COA8: variants seen among roughly 807,000 people sequenced by gnomAD.
COA8 encodes the protein UPF0671 protein C14orf153.
A neutral mutation model predicts 22.0 loss-of-function variants in COA8; 20 were observed. The ratio of observed to expected loss-of-function variants is 0.91; its 90% confidence interval spans 0.64 to 1.32. COA8 has a LOEUF of 1.32. COA8 is among the 40% of genes most tolerant of loss of function. The pLI, the probability that COA8 is intolerant of heterozygous loss-of-function variation, is 0.00. For synonymous variants in COA8, 105 were observed against 79.9 expected (o/e 1.31, Z -1.68); for missense variants, 266 against 230.0 (o/e 1.16, Z -1.01).
chr14:103,567,679 C>G (rs2076145812), intron 1 of COA8: 1 of 152,374 alleles, frequency 6.6e-6, no homozygotes, highest in Non-Finnish European at 1.5e-5. Context: ...AACCACCAAG[C>G]CCAGCCCACA....
intron 3 of COA8, 139 bp downstream of exon 3, chr14:103,574,309 C>T: frequency 8.6e-7 from 1 of 1,162,268 alleles, no homozygotes; most frequent in Non-Finnish European, 1.3e-6. Flanking sequence ...CTCGGCACAC[C>T]CCTGTCCAAG....
chr14:103,569,956 A>G (rs2076169922), intron 1 of COA8, among the ~76,000 whole-genome samples: 1 of 152,126 alleles, frequency 6.6e-6, no homozygotes, highest in Non-Finnish European at 1.5e-5. Context: ...TCCCAGGTTC[A>G]AGCAATTCTC....
intron 3 of COA8, among the ~76,000 whole-genome samples, chr14:103,578,587 G>A (rs1027476534): frequency 6.6e-6 from 1 of 152,144 alleles, no homozygotes; most frequent in African/African-American, 2.4e-5. Flanking sequence ...ACACCCACTC[G>A]GTTTTCAGTA....
intron 3 of COA8, among the ~76,000 whole-genome samples, chr14:103,577,497 C>T (rs192984835): frequency 2.0e-5 from 3 of 152,268 alleles, no homozygotes; most frequent in Admixed American, 2.0e-4. Context: ...GCAGAAAATC[C>T]TCAGCCCCTT....
Position 103,587,395 on chromosome 14 carries a change from A to T in COA8, c.476+31A>T, listed in dbSNP as rs368148821. Reference sequence around the variant, plus strand: ...TGTTTACTCTTTTCCTGAAAATTTGAATAGCACATCCAGATTAGGTAGGAG... The same window carrying T: ...TGTTTACTCTTTTCCTGAAAATTTGTATAGCACATCCAGATTAGGTAGGAG... On this transcript the variant is annotated intron_variant, in intron 4 of 4. Transcript: ENST00000409074. 11 of 1,475,392 alleles carry T rather than the reference A, an allele frequency of 7.5e-6. No individual in the cohort carries two copies. In the African/African-American group the frequency reaches 1.5e-4, roughly 21 times the overall value. The allele number at this position is 1,475,392 out of a possible 1,614,324, so 91.4% of individuals were successfully genotyped here.
intron 1 of COA8, among the ~76,000 whole-genome samples, chr14:103,564,151 CA>C (rs59104875): frequency 0.32 from 45,371 of 143,234 alleles, 7,019 homozygotes; most frequent in Middle Eastern, 0.4. Flanking sequence ...GACTTCATCT[CA>C]AAAAAAAAAA....
In COA8 at chr14:103,571,723, A is replaced by G. The variant is rs35960830; in HGVS notation, c.224A>G (p.Asn75Ser). 9.5e-4 allele frequency: 1,531 copies of G among 1,614,212 alleles called. 9 individuals are homozygous for G. In the African/African-American group the frequency reaches 0.019, roughly 20 times the overall value. ...LRPVHFYIPE[N>S]ESPLEQKLRK... ...CCTGTTCACTTTTACATACCTGAAAATGAATCTCCATTGGAACAAAAGCTT... is the reference window on the plus strand; with the variant it reads ...CCTGTTCACTTTTACATACCTGAAAGTGAATCTCCATTGGAACAAAAGCTT... The change falls in exon 2 of 5, where the codon AAT (asparagine) becomes AGT (serine). Residue 75 changes from asparagine to serine, a missense_variant. Physicochemically the swap from Asn to Ser is conservative, Grantham distance 46. Coordinates refer to ENST00000409074, the MANE Select transcript of COA8 (RefSeq NM_001370595.2).
At chr14:103,574,752 A>G (rs958388483) in intron 3 of COA8, 7 of 281,264 alleles carry the variant, frequency 2.5e-5, no homozygotes, top group Non-Finnish European at 4.2e-5. Context: ...CTCTGTTGCT[A>G]TTTGCTGGCT....
At chr14:103,589,122 C>A (rs1410271389) in intron 4 of COA8, among the ~76,000 whole-genome samples, 2 of 152,124 alleles carry the variant, frequency 1.3e-5, no homozygotes, top group African/African-American at 2.4e-5. Context: ...AGGAGCCTGG[C>A]CCCCACCACC....
chr14:103,581,800 G>A lies in COA8; in HGVS notation c.386-5474G>A. On this transcript the variant is annotated intron_variant, in intron 3 of 4. Transcript: ENST00000409074. This position sits in a 1 kb window ranked among gnomAD's most constrained non-coding sequence, Gnocchi z 4.1. ...GGCACTAGACCTGCCCGGGCGGCCAGAGGACACGTGGCTCCTGTCCTGTCT... is the reference window on the plus strand; with the variant it reads ...GGCACTAGACCTGCCCGGGCGGCCAAAGGACACGTGGCTCCTGTCCTGTCT... The A allele has an allele frequency of 2.5e-6, 1 of 394,308 alleles. No homozygotes were observed. The highest frequency in any genetic ancestry group is 4.5e-6 in the Non-Finnish European group (1 of 223,854). The allele number at this position is 394,308 out of a possible 1,614,324, so 24.4% of individuals were successfully genotyped here.
rs191454769 is a variant in COA8, at chr14:103,575,239, C to T, written c.385+1069C>T. On this transcript the variant is annotated intron_variant, in intron 3 of 4. Coordinates refer to ENST00000409074, the MANE Select transcript of COA8 (RefSeq NM_001370595.2). ...GTCATCATATCAGGTAGGACTAGGT[C>T]GGCTCATAGCTTGGAAGGGCTTTGG... 2.2e-4 allele frequency among the ~76,000 whole-genome samples: 34 copies of T among 152,362 alleles called. No individual in the cohort carries two copies. In the East Asian group the frequency reaches 6.4e-3, roughly 28 times the overall value.
chr14:103,585,575 CTCT>C (rs2076299843), intron 3 of COA8, among the ~76,000 whole-genome samples: 1 of 130,440 alleles, frequency 7.7e-6, no homozygotes, highest in Non-Finnish European at 1.7e-5. Context: ...TAGGTTTTTT[CTCT>C]TTTTTTTTTT....
intron 3 of COA8, among the ~76,000 whole-genome samples, chr14:103,585,374 G>A (rs28836820): frequency 0.02 from 3,020 of 150,756 alleles, 94 homozygotes; most frequent in African/African-American, 0.069. Flanking sequence ...AGCTACTCGG[G>A]AGGCTGAGGC....
chr14:103,581,664 A>G lies in COA8; in HGVS notation c.386-5610A>G, dbSNP rs1215355228. On this transcript the variant is annotated intron_variant, in intron 3 of 4. Transcript: ENST00000409074. The surrounding 1 kb of genome is among the most constrained non-coding windows in gnomAD (Gnocchi z 4.1). ...CGCCATCTCCCTTACACAGTTGAGT[A>G]AACCGAGGCACAGAAGAAAATGAAG... The G allele has an allele frequency of 2.5e-6, 1 of 398,718 alleles. No individual in the cohort carries two copies. Among genetic ancestry groups the G allele is most frequent in the Non-Finnish European group, 4.4e-6 (1 of 226,116 alleles). The allele number at this position is 398,718 out of a possible 1,614,324, so 24.7% of individuals were successfully genotyped here.
intron 3 of COA8, among the ~76,000 whole-genome samples, chr14:103,582,720 C>T (rs919863214): frequency 2.8e-5 from 4 of 143,790 alleles, no homozygotes; most frequent in Admixed American, 2.1e-4. Context: ...ATTCACATAC[C>T]ATAAAATTCA....
chr14:103,583,942 A>G (rs536626006), intron 3 of COA8, among the ~76,000 whole-genome samples: 1 of 152,376 alleles, frequency 6.6e-6, no homozygotes, highest in Non-Finnish European at 1.5e-5. Flanking sequence ...GATACAACTC[A>G]GGGACAGCCA....
intron 4 of COA8, among the ~76,000 whole-genome samples, 181 bp downstream of exon 4, chr14:103,587,545 T>C (rs1348203280): frequency 6.7e-6 from 1 of 148,432 alleles, no homozygotes; most frequent in Non-Finnish European, 1.5e-5. Flanking sequence ...TTTCGCTCTC[T>C]CGCCCAGGCT....
chr14:103,570,242 A>G (rs1008190556), intron 1 of COA8, among the ~76,000 whole-genome samples: 7 of 152,128 alleles, frequency 4.6e-5, no homozygotes, highest in African/African-American at 1.7e-4. Context: ...GAAGGTCTGT[A>G]TTGCAATCCT....
rs778222675 is a variant in COA8 at position 103,587,302 on chromosome 14, A to C, written c.414A>C (p.Glu138Asp). ...AGAAAGCAACATTGAATGCAGAAGAAATGGCGGACTTCTACAAGGAATTTT... is the reference window on the plus strand; with the variant it reads ...AGAAAGCAACATTGAATGCAGAAGACATGGCGGACTTCTACAAGGAATTTT... The part of the protein sequence containing the change: ...SGQKATLNAE[E>D]MADFYKEFLS... The change falls in exon 4 of 5, where the codon GAA becomes GAC. Residue 138 changes from glutamate (E) to aspartate (D), a missense_variant. By Grantham distance (45) the Glu-to-Asp change is conservative. Coordinates refer to ENST00000409074, the MANE Select transcript of COA8 (RefSeq NM_001370595.2). The C allele has an allele frequency of 6.2e-7, 1 of 1,613,606 alleles. No homozygotes were observed. The highest frequency in any genetic ancestry group is 1.3e-5 in the African/African-American group (1 of 75,038).
Sources: gnomAD v4.1 joint callset for allele counts (sites outside exome capture counted in the v4.1 genomes callset) on GRCh38, gnomAD v4.1.1 for gene constraint, Gnocchi (gnomAD v3.1) non-coding constraint, MANE v1.5 for transcripts, NCBI Gene and HGNC (gene_info 2026-07-23, HGNC 2026-07-21) for gene names.